Variants in NYAP2 observed in about 807,000 individuals in gnomAD.
NYAP2 encodes the protein neuronal tyrosine-phosphorylated phosphoinositide-3-kinase adapter 2.
In NYAP2, 23 loss-of-function variants were observed where a neutral mutation model predicts 50.4. The ratio of observed to expected loss-of-function variants is 0.46; its 90% CI spans 0.33 to 0.65. NYAP2 has a LOEUF of 0.65. Among genes scored for constraint, NYAP2 ranks in the 30% least tolerant of loss-of-function variants. The pLI is 0.02. For synonymous variants in NYAP2, 394 were observed against 365.2 expected (o/e 1.08, Z -0.90); for missense variants, 885 against 861.0 (o/e 1.03, Z -0.35).
chr2:225,421,715 G>T (rs1319882888), intron 3 of NYAP2, among the ~76,000 whole-genome samples: 2 of 152,196 alleles, frequency 1.3e-5, no homozygotes, highest in Non-Finnish European at 2.9e-5. Context: ...CGGCCTAGTG[G>T]CCTCTGGATA....
At chr2:225,512,583 T>C (rs1347724412) in intron 3 of NYAP2, among the ~76,000 whole-genome samples, 1 of 149,862 alleles carries the variant, frequency 6.7e-6, no homozygotes, top group African/African-American at 2.5e-5. Flanking sequence ...TTTCCTTTCC[T>C]GCCTTCCCCT....
rs971850594 is a variant in NYAP2 at position 225,408,234 on chromosome 2, A to G, written c.-17-630A>G. ...AGGACTAATGTGGTCCTAGTGACCT[A>G]TGATATGTTAGTTGTAGTATGAAGG... On this transcript the variant is annotated intron_variant, in intron 2 of 6. Coordinates refer to ENST00000636099, the Ensembl canonical transcript of NYAP2. 3.3e-5 allele frequency among the ~76,000 whole-genome samples: 5 copies of G among 152,154 alleles called. 1 individual carries two copies. The South Asian group carries it at 1.0e-3, about 32-fold the overall frequency.
chr2:225,647,675 A>G (rs1693657910), intron 6 of NYAP2, among the ~76,000 whole-genome samples: 1 of 152,148 alleles, frequency 6.6e-6, no homozygotes, highest in Admixed American at 6.5e-5. Flanking sequence ...CAGTGAAAGA[A>G]AAATACATAA....
intron 2 of NYAP2, 135 bp downstream of exon 2, chr2:225,401,178 G>T (rs892948086): frequency 2.0e-5 from 3 of 152,506 alleles, no homozygotes; most frequent in African/African-American, 7.2e-5. Context: ...GCCTTATTAG[G>T]TGGAGCAGAA....
chr2:225,419,884 T>C (rs1695188606), intron 3 of NYAP2, among the ~76,000 whole-genome samples: 1 of 152,204 alleles, frequency 6.6e-6, no homozygotes, highest in Non-Finnish European at 1.5e-5. Flanking sequence ...AAATGACACA[T>C]GTACCCAGCC....
intron 3 of NYAP2, among the ~76,000 whole-genome samples, chr2:225,455,754 A>G (rs900104020): frequency 6.6e-6 from 1 of 152,186 alleles, no homozygotes; most frequent in Non-Finnish European, 1.5e-5. Flanking sequence ...TCTCTCACAC[A>G]TATCTTTCAG....
At chr2:225,605,313 C>T (rs2106244182) in intron 5 of NYAP2, among the ~76,000 whole-genome samples, 1 of 152,086 alleles carries the variant, frequency 6.6e-6, no homozygotes, top group South Asian at 2.1e-4. Flanking sequence ...GTCTTTCCTC[C>T]AAAAATTAAA....
intron 6 of NYAP2, among the ~76,000 whole-genome samples, chr2:225,639,725 T>C (rs1037281655): frequency 6.6e-6 from 1 of 152,198 alleles, no homozygotes; most frequent in Admixed American, 6.6e-5. Context: ...TTACCAACCA[T>C]TGAGTACATG....
intron 4 of NYAP2, among the ~76,000 whole-genome samples, chr2:225,547,803 A>T (rs552120983): frequency 3.9e-4 from 59 of 152,260 alleles, no homozygotes; most frequent in Admixed American, 3.1e-3. Context: ...TTTAGTTCTT[A>T]TGAAGGTGCT....
intron 6 of NYAP2, among the ~76,000 whole-genome samples, chr2:225,645,183 G>A (rs1028831041): frequency 2.9e-4 from 44 of 151,408 alleles, no homozygotes; most frequent in Non-Finnish European, 5.0e-4. Context: ...ACTTGAACCC[G>A]GAAGGTGGAG....
chr2:225,500,321 A>G (rs973040445), intron 3 of NYAP2, among the ~76,000 whole-genome samples: 1 of 152,234 alleles, frequency 6.6e-6, no homozygotes, highest in Non-Finnish European at 1.5e-5. Flanking sequence ...TTATTTAGAA[A>G]GACATTGAAT....
At chr2:225,427,552 C>T (rs895769813) in intron 3 of NYAP2, among the ~76,000 whole-genome samples, 5 of 152,152 alleles carry the variant, frequency 3.3e-5, no homozygotes. Flanking sequence ...TCATTCACCA[C>T]CCGTGTGGCT....
At chr2:225,405,256 A>G (rs912384560) in intron 2 of NYAP2, among the ~76,000 whole-genome samples, 2 of 152,010 alleles carry the variant, frequency 1.3e-5, no homozygotes. Flanking sequence ...GCACCAGTTA[A>G]TGGTCCAGTA....
chr2:225,453,488 T>C lies in NYAP2; in HGVS notation c.221+44387T>C, dbSNP rs77901666. On this transcript the variant is annotated intron_variant, in intron 3 of 6. Transcript: ENST00000636099. ...TTAATTATGAAAATTAATACAAATA[T>C]ATAGCAAAAAATCAAAATGAGATAT... is the stretch of plus-strand genomic sequence containing the variant. 5.2e-3 allele frequency among the ~76,000 whole-genome samples: 790 copies of C among 152,282 alleles called. 5 individuals are homozygous for C. The highest frequency in any genetic ancestry group is 9.0e-3 in the Non-Finnish European group (613 of 68,020).
chr2:225,472,158 C>G (rs560044214), intron 3 of NYAP2, among the ~76,000 whole-genome samples: 68 of 152,282 alleles, frequency 4.5e-4, no homozygotes, highest in African/African-American at 1.6e-3. Flanking sequence ...CCCAACCAGT[C>G]CAAAGAATCT....
At chr2:225,558,486 C>T (rs1691814489) in intron 4 of NYAP2, among the ~76,000 whole-genome samples, 1 of 152,144 alleles carries the variant, frequency 6.6e-6, no homozygotes, top group Non-Finnish European at 1.5e-5. Context: ...CCAGCAGCGA[C>T]TGGTCACATT....
intron 3 of NYAP2, among the ~76,000 whole-genome samples, chr2:225,468,935 C>A (rs1223430388): frequency 6.6e-6 from 1 of 152,126 alleles, no homozygotes; most frequent in Admixed American, 6.5e-5. Flanking sequence ...CAGGTAGTAC[C>A]TCAAGACTCT....
chr2:225,651,457 C>T (rs762422028), exon 7 of NYAP2: 7 of 1,613,978 alleles, frequency 4.3e-6, no homozygotes, highest in Non-Finnish European at 5.9e-6. Context: ...GCAAATTAGG[C>T]CGGTCTGCGT....
intron 3 of NYAP2, among the ~76,000 whole-genome samples, chr2:225,460,109 T>G (rs951051642): frequency 6.6e-5 from 10 of 152,230 alleles, no homozygotes; most frequent in African/African-American, 2.2e-4. Context: ...TGGAATGGAT[T>G]CTAATCAATC....
Sources: gnomAD v4.1 joint callset for allele counts (sites outside exome capture counted in the v4.1 genomes callset) on GRCh38, gnomAD v4.1.1 for gene constraint, MANE v1.5 for transcripts, NCBI Gene and HGNC (gene_info 2026-07-23, HGNC 2026-07-21) for gene names.